TOX: variants seen among roughly 807,000 people sequenced by gnomAD.
TOX encodes thymocyte selection associated high mobility group box.
A neutral mutation model predicts 53.7 loss-of-function variants in TOX; 11 were observed. The ratio of observed to expected loss-of-function variants is 0.20; its 90% CI spans 0.13 to 0.34. The LOEUF is 0.34. Ranked by LOEUF, TOX falls within the 10% of genes least tolerant of loss-of-function variation. The pLI, the probability that TOX is intolerant of heterozygous loss-of-function variation, is 1.00. For synonymous variants in TOX, 225 were observed against 245.3 expected (o/e 0.92, Z 0.77); for missense variants, 570 against 664.6 (o/e 0.86, Z 1.56).
chr8:59,068,419 G>GAA (rs138707929), intron 1 of TOX, among the ~76,000 whole-genome samples: 21 of 143,166 alleles, frequency 1.5e-4, no homozygotes, highest in African/African-American at 5.4e-4. Context: ...AGAAGAAGAG[G>GAA]AAAAAAAGAG....
At chr8:58,886,668 T>A (rs913935154) in intron 3 of TOX, among the ~76,000 whole-genome samples, 1 of 152,126 alleles carries the variant, frequency 6.6e-6, no homozygotes, top group South Asian at 2.1e-4. Flanking sequence ...AATTTCTTTA[T>A]ACTAAGTTTC....
intron 1 of TOX, among the ~76,000 whole-genome samples, chr8:59,010,396 T>C (rs991468977): frequency 6.6e-6 from 1 of 152,224 alleles, no homozygotes; most frequent in Non-Finnish European, 1.5e-5. Flanking sequence ...GAAGTATTTA[T>C]GTGTGAGTGC....
chr8:58,807,991 T>A, intron 8 of TOX, 127 bp downstream of exon 8: 1 of 1,348,820 alleles, frequency 7.4e-7, no homozygotes, highest in African/African-American at 1.5e-5. Flanking sequence ...ATTTCTGGTG[T>A]CTTCTGCCTT....
chr8:59,066,111 A>G (rs2129422250), intron 1 of TOX, among the ~76,000 whole-genome samples: 1 of 152,344 alleles, frequency 6.6e-6, no homozygotes, highest in East Asian at 1.9e-4. Flanking sequence ...GGGAAAACAG[A>G]ACCACCCTCT....
intron 3 of TOX, among the ~76,000 whole-genome samples, chr8:58,881,597 GCCTGTAGTCCCAGCTAC>G (rs1268284504): frequency 6.6e-6 from 1 of 151,940 alleles, no homozygotes; most frequent in Non-Finnish European, 1.5e-5. Flanking sequence ...GGTGGCACGT[GCCTGTAGTCCCAGCTAC>G]TCAGGAGGCT....
Position 58,894,691 on chromosome 8 carries a change from C to T in TOX, c.412-42886G>A, listed in dbSNP as rs188106675. On this transcript the variant is annotated intron_variant, in intron 3 of 8. Transcript: ENST00000361421. ...GGTGGATCACTTGAGGTCAGCAGTT[C>T]GAGACCAGCCTAGCCAATATGGTAA... Among the ~76,000 whole-genome samples, 247 of 150,850 alleles carry T rather than the reference C, an allele frequency of 1.6e-3. 2 individuals are homozygous for T. The highest frequency in any genetic ancestry group is 5.8e-3 in the African/African-American group (236 of 41,026).
intron 3 of TOX, among the ~76,000 whole-genome samples, chr8:58,859,382 C>T (rs1233352551): frequency 6.6e-6 from 1 of 152,132 alleles, no homozygotes; most frequent in Admixed American, 6.5e-5. Context: ...TTCAACTCTG[C>T]ATTTCCAAAA....
intron 1 of TOX, among the ~76,000 whole-genome samples, chr8:58,983,517 T>C (rs1217528119): frequency 6.6e-6 from 1 of 152,232 alleles, no homozygotes; most frequent in East Asian, 1.9e-4. Context: ...TCTTCATATG[T>C]AAAAGTGAGA....
chr8:59,061,727 A>G (rs761046520), intron 1 of TOX, among the ~76,000 whole-genome samples: 2 of 151,714 alleles, frequency 1.3e-5, no homozygotes, highest in African/African-American at 2.4e-5. Context: ...TTTCCTATAT[A>G]TATCTAGTAG....
chr8:58,899,624 T>A (rs1264431206), intron 3 of TOX, among the ~76,000 whole-genome samples: 1 of 152,196 alleles, frequency 6.6e-6, no homozygotes, highest in Non-Finnish European at 1.5e-5. Flanking sequence ...TTGGAATATT[T>A]GCATTATACT....
chr8:58,809,207 T>C (rs1810038357), intron 7 of TOX, among the ~76,000 whole-genome samples: 1 of 152,214 alleles, frequency 6.6e-6, no homozygotes, highest in Non-Finnish European at 1.5e-5. Flanking sequence ...CCAAAGCAGA[T>C]TCCATCCATG....
At chr8:59,073,103 C>G (rs897643223) in intron 1 of TOX, among the ~76,000 whole-genome samples, 3 of 152,156 alleles carry the variant, frequency 2.0e-5, no homozygotes, top group Non-Finnish European at 2.9e-5. Context: ...ACCCCCAACA[C>G]AGGCATACTC....
At chr8:59,004,305 A>G (rs1458304897) in intron 1 of TOX, among the ~76,000 whole-genome samples, 1 of 152,222 alleles carries the variant, frequency 6.6e-6, no homozygotes, top group Non-Finnish European at 1.5e-5. Flanking sequence ...ACAACACACA[A>G]TCAATTGTAA....
intron 1 of TOX, among the ~76,000 whole-genome samples, chr8:59,038,620 A>G (rs766628959): frequency 1.3e-5 from 2 of 152,160 alleles, no homozygotes; most frequent in Non-Finnish European, 2.9e-5. Context: ...GGCACCCATG[A>G]AATTATATTA....
intron 3 of TOX, among the ~76,000 whole-genome samples, chr8:58,860,666 G>A (rs1487265123): frequency 2.6e-5 from 4 of 152,190 alleles, no homozygotes; most frequent in African/African-American, 4.8e-5. Flanking sequence ...CCAAAAGCTT[G>A]TATCTATGGG....
chr8:59,010,403 G>A (rs1322920895), intron 1 of TOX, among the ~76,000 whole-genome samples: 2 of 152,186 alleles, frequency 1.3e-5, no homozygotes, highest in Non-Finnish European at 1.5e-5. Flanking sequence ...TTATGTGTGA[G>A]TGCTGACAAG....
chr8:59,085,979 C>CTTTTTTTTTTTTTTTTTTTTTTTTTT (rs35593177), intron 1 of TOX, among the ~76,000 whole-genome samples: 2 of 88,824 alleles, frequency 2.3e-5, no homozygotes, highest in Non-Finnish European at 2.2e-5. Context: ...CTTTTCTTTT[C>CTTTTTTTTTTTTTTTTTTTTTTTTTT]TTTTTTTTTT....
chr8:58,819,370 T>C (rs568910271), intron 6 of TOX, among the ~76,000 whole-genome samples: 6 of 152,374 alleles, frequency 3.9e-5, no homozygotes, highest in African/African-American at 1.4e-4. Context: ...TCCTAGCTTG[T>C]AGACAACTGA....
At chr8:58,875,867 A>G (rs183758696) in intron 3 of TOX, among the ~76,000 whole-genome samples, 217 of 152,314 alleles carry the variant, frequency 1.4e-3, no homozygotes, top group African/African-American at 4.9e-3. Flanking sequence ...AGGTCTGACC[A>G]TTCTGGGACT....
Sources: allele counts gnomAD v4.1 joint callset (sites outside exome capture counted in the v4.1 genomes callset), GRCh38; gene constraint gnomAD v4.1.1; transcripts MANE v1.5; gene names NCBI Gene and HGNC (gene_info 2026-07-23, HGNC 2026-07-21).